ARFGEF1: variants seen among roughly 807,000 people sequenced by gnomAD.
ARFGEF1 encodes ARF guanine nucleotide exchange factor 1.
A neutral mutation model predicts 231.0 loss-of-function variants in ARFGEF1; 42 were observed. The ratio of observed to expected loss-of-function variants is 0.18; its 90% CI spans 0.14 to 0.24. The LOEUF is 0.24. Ranked by LOEUF, ARFGEF1 falls within the 10% of genes least tolerant of loss-of-function variation. The pLI is 1.00. For synonymous variants in ARFGEF1, 710 were observed against 732.3 expected, an observed-to-expected ratio of 0.97 and a Z score of 0.49; for missense variants, 1,345 against 2,192.0, an observed-to-expected ratio of 0.61 and a Z score of 7.72.
downstream of ARFGEF1, chr8:67,175,402 G>T: frequency 6.2e-7 from 1 of 1,614,198 alleles, no homozygotes; most frequent in Non-Finnish European, 8.5e-7. Context: ...AGCAGAAGAG[G>T]CTGAACAGAA....
chr8:67,256,313 T>C (rs1468200152), intron 17 of ARFGEF1, among the ~76,000 whole-genome samples: 2 of 152,226 alleles, frequency 1.3e-5, no homozygotes, highest in Non-Finnish European at 2.9e-5. Flanking sequence ...AAGTCCTATA[T>C]AAAATCAAGT....
chr8:67,187,225 A>C (rs1359903529), intron 5 of ARFGEF1, among the ~76,000 whole-genome samples: 1 of 152,254 alleles, frequency 6.6e-6, no homozygotes, highest in Admixed American at 6.5e-5. Context: ...CTGATTCTAA[A>C]GTTCATTTGG....
chr8:67,289,868 T>C (rs896730180), intron 6 of ARFGEF1, among the ~76,000 whole-genome samples: 7 of 152,168 alleles, frequency 4.6e-5, no homozygotes, highest in Non-Finnish European at 7.3e-5. Flanking sequence ...TAAAATTACC[T>C]CAAGTCTGAA....
Position 67,204,563 on chromosome 8 carries a change from G to T in ARFGEF1, c.4959+117C>A, listed in dbSNP as rs1838445359. 3.3e-6 allele frequency: 4 copies of T among 1,223,736 alleles called. No individual in the cohort carries two copies. The East Asian group carries it at 9.8e-5, about 30-fold the overall frequency. 75.8% of individuals were successfully genotyped at this position (1,223,736 alleles called of 1,614,324 possible). A position where few individuals can be genotyped will look rare whatever the true frequency, so the allele number is the denominator to read the frequency against. The stretch of plus-strand genomic sequence containing the variant: ...GGGATCCAGTCTCATGGTTTAAAAG[G>T]ACATCTGTATGATGAAGGCCCCACA... On this transcript the variant is annotated intron_variant, in intron 35 of 38. Transcript: ENST00000262215.
At chr8:67,200,552 T>C (rs1329660272) in intron 37 of ARFGEF1, 39 bp from the exon 38 acceptor site, 2 of 1,258,362 alleles carry the variant, frequency 1.6e-6, no homozygotes, top group South Asian at 2.5e-5. Flanking sequence ...TACTTGCGTA[T>C]CTACTGGTCC....
chr8:67,307,058 C>T (rs1228860057), intron 1 of ARFGEF1, among the ~76,000 whole-genome samples: 3 of 152,190 alleles, frequency 2.0e-5, no homozygotes, highest in Admixed American at 6.5e-5. Flanking sequence ...GGATTACAGG[C>T]GTGAGCCACC....
downstream of ARFGEF1, chr8:67,173,905 GA>G (rs1193492135): frequency 6.6e-6 from 1 of 152,106 alleles, no homozygotes; most frequent in Non-Finnish European, 1.5e-5. Flanking sequence ...TGTGTATATA[GA>G]TTGGCCAGAG....
chr8:67,204,089 CCT>C lies in ARFGEF1; in HGVS notation c.4959+589_4959+590del, dbSNP rs1294383173. On this transcript the variant is annotated intron_variant, in intron 35 of 38. Transcript: ENST00000262215. ...TCTGGAGAACAAAACATAGCAAACCCCTCTCTTGAACCCCTCACAATCCAGCT... is the reference window on the plus strand; with the variant it reads ...TCTGGAGAACAAAACATAGCAAACCCCTCTTGAACCCCTCACAATCCAGCT... 2.6e-5 allele frequency among the ~76,000 whole-genome samples: 4 copies of C among 152,300 alleles called. No individual in the cohort carries two copies. In the East Asian group the frequency reaches 7.7e-4, roughly 29 times the overall value.
intron 1 of ARFGEF1, among the ~76,000 whole-genome samples, chr8:67,325,731 A>T (rs745685053): frequency 2.6e-5 from 4 of 152,238 alleles, no homozygotes; most frequent in Non-Finnish European, 4.4e-5. Flanking sequence ...ATAAATATTG[A>T]ATTATTATGA....
intron 33 of ARFGEF1, among the ~76,000 whole-genome samples, chr8:67,216,335 T>A (rs1311032144): frequency 1.3e-5 from 2 of 152,084 alleles, no homozygotes; most frequent in Admixed American, 6.6e-5. Flanking sequence ...CTGTCCCTCC[T>A]CCTTCCACCA....
In ARFGEF1 at chr8:67,343,194, G is replaced by C; in HGVS notation, c.94C>G (p.Gln32Glu). 1 of 1,612,690 alleles carries C rather than the reference G, an allele frequency of 6.2e-7. No homozygotes were observed. The highest frequency in any genetic ancestry group is 8.5e-7 in the Non-Finnish European group (1 of 1,179,388). The change falls in exon 1 of 39, where the codon CAG becomes GAG. Residue 32 changes from glutamine to glutamate, a missense_variant. Transcript: ENST00000262215. ...GCCACCTCGCAAGCTTTGCGCAGCT[G>C]GGAGTGATGCGCCTTCTTCACTTCC... ...DKEVKKAHHS[Q>E]LRKACEVALE... is the part of the protein sequence containing the mutation.
chr8:67,328,988 A>G (rs1296933452), intron 1 of ARFGEF1, among the ~76,000 whole-genome samples: 1 of 152,104 alleles, frequency 6.6e-6, no homozygotes, highest in Non-Finnish European at 1.5e-5. Context: ...TGGACTTTGG[A>G]AGGTTGAGGC....
chr8:67,228,316 C>T (rs1358913377), intron 23 of ARFGEF1, 52 bp from the exon 24 acceptor site: 2 of 1,534,948 alleles, frequency 1.3e-6, no homozygotes, highest in Non-Finnish European at 1.8e-6. Context: ...TGTTCTTATT[C>T]CAATTGAAAA....
chr8:67,315,078 A>G (rs1016198919), intron 1 of ARFGEF1, among the ~76,000 whole-genome samples: 17 of 152,314 alleles, frequency 1.1e-4, no homozygotes, highest in Middle Eastern at 3.4e-3. Context: ...ATGAAAGTAA[A>G]CAGATGGAAA....
At chr8:67,225,304 G>C (rs1587081419) in intron 28 of ARFGEF1, among the ~76,000 whole-genome samples, 1 of 152,094 alleles carries the variant, frequency 6.6e-6, no homozygotes. Flanking sequence ...TGCATTATTA[G>C]CCAGGTTAAT....
chr8:67,317,398 T>C (rs1429249087), intron 1 of ARFGEF1, among the ~76,000 whole-genome samples: 1 of 152,084 alleles, frequency 6.6e-6, no homozygotes, highest in Admixed American at 6.5e-5. Context: ...GCCTTTAACC[T>C]GTGAAATACG....
intron 1 of ARFGEF1, among the ~76,000 whole-genome samples, chr8:67,318,264 A>C: frequency 6.7e-6 from 1 of 149,894 alleles, no homozygotes; most frequent in African/African-American, 2.5e-5. Context: ...AAAAAGGCTA[A>C]AGAAGAAAAA....
At chr8:67,219,358 T>C in intron 30 of ARFGEF1, 73 bp downstream of exon 30, 1 of 1,494,962 alleles carries the variant, frequency 6.7e-7, no homozygotes, top group Non-Finnish European at 8.9e-7. Flanking sequence ...TTTGAAACAC[T>C]AAAATGTATT....
chr8:67,202,369 C>A (rs745640909), intron 36 of ARFGEF1, among the ~76,000 whole-genome samples: 69 of 152,158 alleles, frequency 4.5e-4, no homozygotes, highest in Non-Finnish European at 7.6e-4. Context: ...AAGTGATCCT[C>A]CCACTTCAGC....
Sources: gnomAD v4.1 joint callset for allele counts (sites outside exome capture counted in the v4.1 genomes callset) on GRCh38, gnomAD v4.1.1 for gene constraint, MANE v1.5 for transcripts, NCBI Gene and HGNC (gene_info 2026-07-23, HGNC 2026-07-21) for gene names.